Variants in ALKBH3 observed in about 807,000 individuals in gnomAD.
ALKBH3 encodes the protein alkB homolog 3, alpha-ketoglutarate dependent dioxygenase, also known as alpha-ketoglutarate-dependent dioxygenase alkB homolog 3.
Under a neutral mutation model 43.9 loss-of-function variants are expected in ALKBH3, and 51 were observed. That is an observed-to-expected ratio of 1.16 (90% CI 0.93 to 1.47). ALKBH3 has a LOEUF of 1.47. Ranked by LOEUF, ALKBH3 falls within the 40% of genes most tolerant of loss-of-function variation. ALKBH3 has a pLI of 0.00. For missense variants in ALKBH3, 361 were observed against 351.9 expected, an observed-to-expected ratio of 1.03 and a Z score of -0.21; for synonymous variants, 102 against 115.2, an observed-to-expected ratio of 0.89 and a Z score of 0.73.
intron 7 of ALKBH3, chr11:43,897,365 A>G (rs1048703524): frequency 1.0e-5 from 7 of 700,850 alleles, no homozygotes; most frequent in Admixed American, 8.8e-5. Flanking sequence ...GTAAGTTTTA[A>G]TATCCTCTCA....
At chr11:43,891,277 A>G (rs1210176443) in intron 6 of ALKBH3, among the ~76,000 whole-genome samples, 1 of 152,128 alleles carries the variant, frequency 6.6e-6, no homozygotes, top group African/African-American at 2.4e-5. Flanking sequence ...TGTTAATTTT[A>G]AGCAAATTAC....
At chr11:43,904,225 G>A (rs1273315873) in intron 8 of ALKBH3, among the ~76,000 whole-genome samples, 2 of 152,234 alleles carry the variant, frequency 1.3e-5, no homozygotes, top group Non-Finnish European at 1.5e-5. Context: ...GACGATGGTA[G>A]CTGATTTGAT....
In ALKBH3 at chr11:43,903,703, G is replaced by C. The variant is rs148797548; in HGVS notation, c.669+1978G>C. Among the ~76,000 whole-genome samples, 304 of 152,214 alleles carry C rather than the reference G, an allele frequency of 2.0e-3. 3 individuals are homozygous for C. The highest frequency in any genetic ancestry group is 7.1e-3 in the African/African-American group (296 of 41,514). On this transcript the variant is annotated intron_variant, in intron 8 of 9. Coordinates refer to ENST00000302708, the MANE Select transcript of ALKBH3 (RefSeq NM_139178.4). ...TTGTTGCTCAGTATTTAAGTATTCA[G>C]TTACTGTTTCTTTACACACATATAT...
chr11:43,919,610 T>C, intron 9 of ALKBH3: 1 of 333,082 alleles, frequency 3.0e-6, no homozygotes, highest in Non-Finnish European at 5.6e-6. Context: ...CTCATGCCTC[T>C]CTTTGGTCTC....
rs761904808 is a variant in ALKBH3, at chr11:43,919,025, T to G, written c.670-13T>G. On this transcript the variant is annotated splice_polypyrimidine_tract_variant and intron_variant, in intron 8 of 9. Coordinates refer to ENST00000302708, the MANE Select transcript of ALKBH3 (RefSeq NM_139178.4). ...CAGGCAAAACATTTATTACAACAAA[T>G]GCTGTTTTCTAGGAAGAGAATGGAG... is the stretch of plus-strand genomic sequence containing the variant. 4 of 1,584,034 alleles carry G rather than the reference T, an allele frequency of 2.5e-6. No individual in the cohort carries two copies. Among genetic ancestry groups the G allele is most frequent in the Non-Finnish European group, 3.5e-6 (4 of 1,153,008 alleles).
At chr11:43,913,878 G>A (rs538056737) in intron 8 of ALKBH3, among the ~76,000 whole-genome samples, 41 of 152,314 alleles carry the variant, frequency 2.7e-4, no homozygotes, top group African/African-American at 8.2e-4. Flanking sequence ...AATTAATTGC[G>A]AAAATTTATA....
At chr11:43,882,497 T>C in intron 1 of ALKBH3, 86 bp from the exon 2 acceptor site, 2 of 567,004 alleles carry the variant, frequency 3.5e-6, no homozygotes, top group South Asian at 5.8e-5. Flanking sequence ...CCATTGAGAG[T>C]CTTCTGCCTG....
chr11:43,898,087 G>A (rs535509133), intron 7 of ALKBH3: 68 of 1,029,102 alleles, frequency 6.6e-5, no homozygotes, highest in South Asian at 1.5e-4. Context: ...GCTGAGTGGC[G>A]ATGCCCTCAG....
chr11:43,896,268 T>TACAC (rs71035662), intron 7 of ALKBH3, among the ~76,000 whole-genome samples: 3,152 of 147,350 alleles, frequency 0.021, 98 homozygotes, highest in African/African-American at 0.071. Context: ...ATAGGATAGA[T>TACAC]ACACACACAC....
At chr11:43,919,799 T>C in intron 9 of ALKBH3, 119 bp from the exon 10 acceptor site, 3 of 936,256 alleles carry the variant, frequency 3.2e-6, no homozygotes, top group Non-Finnish European at 5.0e-6. Flanking sequence ...AGCTTACTAC[T>C]CATTTAAGGG....
intron 8 of ALKBH3, chr11:43,910,640 C>G (rs138161464): frequency 6.6e-6 from 1 of 152,228 alleles, no homozygotes; most frequent in Non-Finnish European, 1.5e-5. Context: ...TTATTTTCAG[C>G]TCTTCCTTGT....
At chr11:43,901,835 T>G (rs1018376039) in intron 8 of ALKBH3, 110 bp downstream of exon 8, 2 of 1,292,370 alleles carry the variant, frequency 1.5e-6, no homozygotes, top group Non-Finnish European at 2.1e-6. Flanking sequence ...ATACACATTT[T>G]GTTGATGAAA....
At chr11:43,919,780 A>C in intron 9 of ALKBH3, 138 bp from the exon 10 acceptor site, 1 of 787,728 alleles carries the variant, frequency 1.3e-6, no homozygotes, top group Non-Finnish European at 2.1e-6. Context: ...TCTCCACAAG[A>C]CTTCAAAGAG....
chr11:43,912,038 G>A (rs1328624329), intron 8 of ALKBH3, among the ~76,000 whole-genome samples: 2 of 152,082 alleles, frequency 1.3e-5, no homozygotes, highest in Admixed American at 6.5e-5. Flanking sequence ...CAGAAGAATC[G>A]CTTGAACCTG....
intron 7 of ALKBH3, 98 bp from the exon 8 acceptor site, chr11:43,901,415 TAAC>T: frequency 7.3e-7 from 1 of 1,362,080 alleles, no homozygotes; most frequent in South Asian, 1.3e-5. Flanking sequence ...GCCCTGGTTA[TAAC>T]TTGGCTGATT....
intron 8 of ALKBH3, among the ~76,000 whole-genome samples, chr11:43,913,684 G>A (rs915508000): frequency 6.6e-6 from 1 of 152,218 alleles, no homozygotes; most frequent in African/African-American, 2.4e-5. Flanking sequence ...GAATGGCAAA[G>A]GGGATGCAAG....
In ALKBH3 at chr11:43,882,871, C is replaced by T. The variant is rs1047323024; in HGVS notation, c.79+140C>T. 7 of 1,081,038 alleles carry T rather than the reference C, an allele frequency of 6.5e-6. No homozygotes were observed. In the East Asian group the frequency reaches 7.9e-5, roughly 12 times the overall value. 67.0% of individuals were successfully genotyped at this position (1,081,038 alleles called of 1,614,324 possible). On this transcript the variant is annotated intron_variant, in intron 2 of 9. Coordinates refer to ENST00000302708, the MANE Select transcript of ALKBH3 (RefSeq NM_139178.4). ...TTTAAAATGTGGCTGATATTTTGTCCGATTTTGTTGATGGTGAGCTAAGGG... is the reference window on the plus strand; with the variant it reads ...TTTAAAATGTGGCTGATATTTTGTCTGATTTTGTTGATGGTGAGCTAAGGG...
At chr11:43,908,947 C>G (rs774017222) in intron 8 of ALKBH3, among the ~76,000 whole-genome samples, 1 of 152,184 alleles carries the variant, frequency 6.6e-6, no homozygotes, top group Non-Finnish European at 1.5e-5. Flanking sequence ...TGTCATTGAG[C>G]TTTTAATATC....
In ALKBH3 at chr11:43,920,141, T is replaced by C. The variant is rs1952015507; in HGVS notation, c.*131T>C. The C allele has an allele frequency of 2.5e-6, 2 of 802,512 alleles. No homozygotes were observed. The highest frequency in any genetic ancestry group is 4.0e-6 in the Non-Finnish European group (2 of 500,722). The allele number at this position is 802,512 out of a possible 1,614,324, so 49.7% of individuals were successfully genotyped here. On this transcript the variant is annotated 3_prime_UTR_variant, in exon 10 of 10. Coordinates refer to ENST00000302708, the MANE Select transcript of ALKBH3 (RefSeq NM_139178.4). ...AAGATGGTGGGGTTTGTTTGCCAGC[T>C]TGGAGTCCTATTAAATGAAAGCCAG... is the stretch of plus-strand genomic sequence containing the variant.
Sources: gnomAD v4.1 joint callset for allele counts (sites outside exome capture counted in the v4.1 genomes callset) on GRCh38, gnomAD v4.1.1 for gene constraint, MANE v1.5 for transcripts, NCBI Gene and HGNC (gene_info 2026-07-23, HGNC 2026-07-21) for gene names.